KHDC1: variants seen among roughly 807,000 people sequenced by gnomAD.
The protein encoded by KHDC1 is KH homology domain-containing protein 1.
Under a neutral mutation model 24.7 loss-of-function variants are expected in KHDC1, and 21 were observed. The ratio of observed to expected loss-of-function variants is 0.85; its 90% CI spans 0.60 to 1.23. The LOEUF (loss-of-function observed/expected upper bound fraction) is 1.23. KHDC1 is among the 50% of genes most tolerant of loss of function. The probability of loss-of-function intolerance (pLI) is 0.00; values close to 1 mark genes in which losing one functional copy is unlikely to be tolerated. For synonymous variants in KHDC1, 98 were observed against 111.7 expected (o/e 0.88, Z 0.77); for missense variants, 274 against 298.5 (o/e 0.92, Z 0.61).
chr6:73,283,462 G>T (rs1347211637), intron 2 of KHDC1, among the ~76,000 whole-genome samples: 1 of 151,900 alleles, frequency 6.6e-6, no homozygotes, highest in East Asian at 1.9e-4. Flanking sequence ...TGTTGCCCAG[G>T]CTAGTCTCAA....
exon 1 of KHDC1, chr6:73,309,827 A>C: frequency 7.6e-7 from 1 of 1,312,722 alleles, no homozygotes; most frequent in Non-Finnish European, 1.0e-6. Context: ...CGGAGAAGCG[A>C]AGTTCAGGAC....
At position 73,307,118 on chromosome 6, in the gene KHDC1, T is replaced by C. The variant is rs1410947797; in HGVS notation, c.163+2434A>G. On this transcript the variant is annotated intron_variant, in intron 1 of 4. Coordinates refer to ENST00000370384, the Ensembl canonical transcript of KHDC1. Reference sequence around the variant, plus strand: ...AGAACACTGATCAACACTAAACTAATGTAAATTATTTATTATATAACCATT... The same window carrying C: ...AGAACACTGATCAACACTAAACTAACGTAAATTATTTATTATATAACCATT... 2.0e-5 allele frequency among the ~76,000 whole-genome samples: 3 copies of C among 152,030 alleles called. No individual in the cohort carries two copies. The East Asian group carries it at 5.8e-4, about 29-fold the overall frequency.
intron 2 of KHDC1, among the ~76,000 whole-genome samples, chr6:73,248,954 A>AAG (rs1562245518): frequency 2.6e-5 from 4 of 151,770 alleles, no homozygotes; most frequent in African/African-American, 9.7e-5. Flanking sequence ...AAAAAAAAAA[A>AAG]AAAGAAAGAA....
intron 2 of KHDC1, chr6:73,263,402 C>T: frequency 1.8e-6 from 1 of 546,920 alleles, no homozygotes; most frequent in South Asian, 7.8e-5. Flanking sequence ...ATTGCTGAGC[C>T]AGCGGAGCTG....
chr6:73,260,870 G>A (rs1766967315), intron 2 of KHDC1, among the ~76,000 whole-genome samples: 2 of 151,866 alleles, frequency 1.3e-5, no homozygotes, highest in African/African-American at 2.4e-5. Flanking sequence ...TTCATCTATT[G>A]TCTATTTATA....
chr6:73,287,948 ATT>A (rs1422752576), intron 2 of KHDC1, among the ~76,000 whole-genome samples: 13 of 152,146 alleles, frequency 8.5e-5, no homozygotes, highest in Admixed American at 8.5e-4. Flanking sequence ...CTGGGGTGAA[ATT>A]AGAGTGGAGA....
intron 2 of KHDC1, among the ~76,000 whole-genome samples, chr6:73,253,251 T>G (rs1160904093): frequency 6.6e-6 from 1 of 152,134 alleles, no homozygotes; most frequent in African/African-American, 2.4e-5. Context: ...GATTGAATTA[T>G]CATTGGAATA....
At chr6:73,241,394 G>C in exon 5 of KHDC1, 1 of 766,812 alleles carries the variant, frequency 1.3e-6, no homozygotes, top group East Asian at 2.5e-5. Flanking sequence ...CCTCAGACAT[G>C]TCTAGAAGAC....
chr6:73,245,720 G>GT (rs1158253361), intron 2 of KHDC1, among the ~76,000 whole-genome samples: 2 of 152,060 alleles, frequency 1.3e-5, no homozygotes, highest in Admixed American at 6.6e-5. Context: ...TTTTGGAGCT[G>GT]TTTTTTTAAT....
At chr6:73,273,150 C>T (rs1208941585) in intron 2 of KHDC1, among the ~76,000 whole-genome samples, 11 of 150,506 alleles carry the variant, frequency 7.3e-5, no homozygotes, top group Admixed American at 2.6e-4. Flanking sequence ...TGAGCCACCG[C>T]GCCCAGCTTT....
exon 5 of KHDC1, chr6:73,241,486 T>C (rs1562243013): frequency 6.3e-7 from 1 of 1,589,086 alleles, no homozygotes; most frequent in Non-Finnish European, 8.6e-7. Context: ...GAAGCCAAGA[T>C]TTCTCCTCTC....
exon 3 of KHDC1, chr6:73,242,461 G>A: frequency 1.9e-6 from 3 of 1,614,218 alleles, no homozygotes; most frequent in Non-Finnish European, 2.5e-6. Flanking sequence ...GTGCATGAAA[G>A]TTTTGAGGCA....
chr6:73,272,004 T>TC (rs1767188138), intron 2 of KHDC1, among the ~76,000 whole-genome samples: 1 of 145,380 alleles, frequency 6.9e-6, no homozygotes, highest in Admixed American at 6.8e-5. Flanking sequence ...GTAATCCCAT[T>TC]TAAAAAAAAA....
At chr6:73,293,705 A>G (rs1485350580) in intron 1 of KHDC1, among the ~76,000 whole-genome samples, 4 of 151,720 alleles carry the variant, frequency 2.6e-5, no homozygotes, top group African/African-American at 9.7e-5. Flanking sequence ...TGGGATTACA[A>G]GTGTAATCCC....
At chr6:73,255,596 C>T (rs1204425557) in intron 2 of KHDC1, among the ~76,000 whole-genome samples, 3 of 147,390 alleles carry the variant, frequency 2.0e-5, no homozygotes, top group African/African-American at 5.0e-5. Context: ...TCATTGCTTG[C>T]GGTCATTAGA....
intron 2 of KHDC1, among the ~76,000 whole-genome samples, chr6:73,282,995 G>A (rs1269260517): frequency 6.6e-6 from 1 of 152,186 alleles, no homozygotes; most frequent in Non-Finnish European, 1.5e-5. Context: ...TCTAGGAAAT[G>A]GGCAAGGTGA....
At chr6:73,290,192 G>T (rs547798447) in intron 2 of KHDC1, among the ~76,000 whole-genome samples, 15 of 150,962 alleles carry the variant, frequency 9.9e-5, no homozygotes, top group African/African-American at 3.6e-4. Context: ...CAGGGAAATC[G>T]CTTGAACCCG....
chr6:73,254,923 C>T (rs1183624907), intron 2 of KHDC1, among the ~76,000 whole-genome samples: 3 of 151,420 alleles, frequency 2.0e-5, no homozygotes, highest in Non-Finnish European at 4.4e-5. Context: ...AATGGCGTGG[C>T]CCCGGGAGGC....
At chr6:73,266,554 T>C (rs1440427434) in intron 2 of KHDC1, among the ~76,000 whole-genome samples, 1 of 152,184 alleles carries the variant, frequency 6.6e-6, no homozygotes. Context: ...AAAATGGTAC[T>C]TGGAAAGCTG....
Sources: gnomAD v4.1 joint callset for allele counts (sites outside exome capture counted in the v4.1 genomes callset) on GRCh38, gnomAD v4.1.1 for gene constraint, MANE v1.5 for transcripts, NCBI Gene and HGNC (gene_info 2026-07-23, HGNC 2026-07-21) for gene names.